RYR3: variants seen among roughly 807,000 people sequenced by gnomAD.
The protein encoded by RYR3 is brain ryanodine receptor-calcium release channel.
In RYR3, 207 loss-of-function variants were observed where a neutral mutation model predicts 584.3. The ratio of observed to expected loss-of-function variants is 0.35; its 90% CI spans 0.32 to 0.40. The LOEUF is 0.40. Among genes scored for constraint, RYR3 ranks in the 10% least tolerant of loss-of-function variants. The probability of loss-of-function intolerance (pLI) is 1.00; values close to 1 mark genes in which losing one functional copy is unlikely to be tolerated. For missense variants in RYR3, 5,616 were observed against 6,089.2 expected, an observed-to-expected ratio of 0.92 and a Z score of 2.59; for synonymous variants, 2,416 against 2,248.5, an observed-to-expected ratio of 1.07 and a Z score of -2.11.
chr15:33,564,451 A>G (rs529101894), intron 11 of RYR3, among the ~76,000 whole-genome samples: 2 of 152,312 alleles, frequency 1.3e-5, no homozygotes, highest in East Asian at 3.9e-4. Flanking sequence ...GATCTTTAGA[A>G]GAGCTACACC....
At chr15:33,362,867 CAG>C (rs2141020676) in intron 1 of RYR3, among the ~76,000 whole-genome samples, 1 of 152,282 alleles carries the variant, frequency 6.6e-6, no homozygotes, top group South Asian at 2.1e-4. Context: ...TGTGAAATCT[CAG>C]GGGGTTACCT....
intron 1 of RYR3, among the ~76,000 whole-genome samples, chr15:33,445,664 A>AACACACACACACACACACACACACAC (rs61585713): frequency 1.9e-5 from 2 of 106,006 alleles, no homozygotes; most frequent in Admixed American, 1.0e-4. Context: ...TTCCCCCACC[A>AACACACACACACACACACACACACAC]ACACACACAC....
chr15:33,726,747 C>G (rs2068493064), intron 46 of RYR3, among the ~76,000 whole-genome samples: 1 of 152,238 alleles, frequency 6.6e-6, no homozygotes, highest in African/African-American at 2.4e-5. Flanking sequence ...TAGCATTTGC[C>G]CATTTCTGTG....
At chr15:33,652,589 AT>A (rs2062547957) in intron 31 of RYR3, 128 bp from the exon 32 acceptor site, 1 of 920,134 alleles carries the variant, frequency 1.1e-6, no homozygotes, top group Middle Eastern at 2.4e-4. Context: ...AAAAAAAAGT[AT>A]TTGGGGCTGA....
chr15:33,317,818 T>G (rs79166622), intron 1 of RYR3, among the ~76,000 whole-genome samples: 12,533 of 152,146 alleles, frequency 0.082, 633 homozygotes, highest in Middle Eastern at 0.13. Context: ...ACAGTCATAC[T>G]CTGGGCTATT....
chr15:33,563,503 A>G (rs1435123), intron 11 of RYR3, among the ~76,000 whole-genome samples: 99,819 of 152,132 alleles, frequency 0.66, 33,727 homozygotes, highest in Middle Eastern at 0.76. Context: ...TGAGTGGTGC[A>G]TCACAGCCTG....
rs373020159 is a variant in RYR3, at chr15:33,461,233, C to T, written c.52-12186C>T. Among the ~76,000 whole-genome samples, 26 of 152,154 alleles carry T rather than the reference C, an allele frequency of 1.7e-4. No individual in the cohort carries two copies. The East Asian group carries it at 2.5e-3, about 15-fold the overall frequency. On this transcript the variant is annotated intron_variant, in intron 1 of 103. Transcript: ENST00000634891. ...TGCTGGGATTACAGGCGTGAGCCACCGCGCCCGGCCTACTAATATCCAACT... is the reference window on the plus strand; with the variant it reads ...TGCTGGGATTACAGGCGTGAGCCACTGCGCCCGGCCTACTAATATCCAACT...
At chr15:33,362,676 C>T (rs774569613) in intron 1 of RYR3, among the ~76,000 whole-genome samples, 1 of 152,108 alleles carries the variant, frequency 6.6e-6, no homozygotes, top group Non-Finnish European at 1.5e-5. Context: ...TGAGCTGGAT[C>T]GCTCTCTGTT....
At chr15:33,446,103 G>T (rs770870333) in intron 1 of RYR3, among the ~76,000 whole-genome samples, 1 of 152,168 alleles carries the variant, frequency 6.6e-6, no homozygotes, top group Non-Finnish European at 1.5e-5. Flanking sequence ...TATCCATGGC[G>T]AGGTGCAGAA....
chr15:33,321,998 C>A (rs1218390927), intron 1 of RYR3, among the ~76,000 whole-genome samples: 1 of 152,152 alleles, frequency 6.6e-6, no homozygotes, highest in Non-Finnish European at 1.5e-5. Flanking sequence ...ATTTTATCAC[C>A]ATTTGCTGCT....
At chr15:33,707,978 C>T (rs2066838281) in intron 43 of RYR3, among the ~76,000 whole-genome samples, 1 of 152,098 alleles carries the variant, frequency 6.6e-6, no homozygotes, top group African/African-American at 2.4e-5. Flanking sequence ...TCTCCTTGTC[C>T]TGGTTAGATT....
chr15:33,536,775 TATA>T (rs2055367118), intron 5 of RYR3, among the ~76,000 whole-genome samples: 1 of 152,236 alleles, frequency 6.6e-6, no homozygotes, highest in Non-Finnish European at 1.5e-5. Context: ...CTGAGCTTAT[TATA>T]AACACCAGTC....
chr15:33,685,217 C>T (rs982623349), intron 38 of RYR3, among the ~76,000 whole-genome samples: 1 of 152,162 alleles, frequency 6.6e-6, no homozygotes. Flanking sequence ...CGTGCAGAGA[C>T]ACACATAGGC....
chr15:33,351,044 T>G (rs1421345784), intron 1 of RYR3, among the ~76,000 whole-genome samples: 1 of 151,332 alleles, frequency 6.6e-6, no homozygotes, highest in Non-Finnish European at 1.5e-5. Context: ...GAGAGAAGAA[T>G]CAAATAGATG....
intron 86 of RYR3, 51 bp from the exon 87 acceptor site, chr15:33,834,916 TC>T: frequency 6.8e-7 from 1 of 1,472,668 alleles, no homozygotes; most frequent in East Asian, 2.3e-5. Flanking sequence ...TAGACAGGTT[TC>T]AGAGCAACTT....
intron 7 of RYR3, among the ~76,000 whole-genome samples, chr15:33,541,963 A>T (rs919740749): frequency 6.6e-6 from 1 of 152,088 alleles, no homozygotes; most frequent in African/African-American, 2.4e-5. Flanking sequence ...TCTCCATGTT[A>T]AATTTTTTAT....
At chr15:33,810,389 C>T (rs2076456829) in intron 70 of RYR3, 90 bp from the exon 71 acceptor site, 6 of 1,360,268 alleles carry the variant, frequency 4.4e-6, no homozygotes, top group Non-Finnish European at 6.2e-6. Context: ...ACTGACAGGG[C>T]CACAAGGAGG....
At chr15:33,379,687 C>CTATATATATATATATATA (rs1555448829) in intron 1 of RYR3, among the ~76,000 whole-genome samples, 17 of 125,480 alleles carry the variant, frequency 1.4e-4, no homozygotes, top group African/African-American at 2.8e-4. Flanking sequence ...CTCTCTCTCT[C>CTATATATATATATATATA]TATATATATA....
At position 33,735,894 on chromosome 15, in the gene RYR3, C is replaced by A. The variant is rs545013929; in HGVS notation, c.7425-341C>A. Among the ~76,000 whole-genome samples, 18 of 152,238 alleles carry A rather than the reference C, an allele frequency of 1.2e-4. No individual in the cohort carries two copies. In the East Asian group the frequency reaches 3.5e-3, roughly 29 times the overall value. On this transcript the variant is annotated intron_variant, in intron 48 of 103. Transcript: ENST00000634891. Reference sequence around the variant, plus strand: ...TTCTCCCTCTGCAGAGTTCAGGGGACCTTAGAGATGACTAGAAAATGAACT... The same window carrying A: ...TTCTCCCTCTGCAGAGTTCAGGGGAACTTAGAGATGACTAGAAAATGAACT...
Sources: gnomAD v4.1 joint callset for allele counts (sites outside exome capture counted in the v4.1 genomes callset) on GRCh38, gnomAD v4.1.1 for gene constraint, MANE v1.5 for transcripts, NCBI Gene and HGNC (gene_info 2026-07-23, HGNC 2026-07-21) for gene names.